Variants in TMEM8B observed in about 807,000 individuals in gnomAD.
TMEM8B encodes transmembrane protein 8B.
In TMEM8B, 29 loss-of-function variants were observed where a neutral mutation model predicts 49.3. The observed-to-expected ratio is 0.59, with a 90% CI of 0.44 to 0.80. The LOEUF is 0.80. TMEM8B is among the 30% of genes least tolerant of loss of function. The probability of loss-of-function intolerance (pLI) is 0.00; values close to 1 mark genes in which losing one functional copy is unlikely to be tolerated. For synonymous variants in TMEM8B, 264 were observed against 272.8 expected, an observed-to-expected ratio of 0.97 and a Z score of 0.32; for missense variants, 575 against 658.5, an observed-to-expected ratio of 0.87 and a Z score of 1.39.
Position 35,846,868 on chromosome 9 carries a change from T to G in TMEM8B, c.2048T>G (p.Phe683Cys). 6.2e-7 allele frequency: 1 copy of G among 1,614,236 alleles called. No homozygotes were observed. The highest frequency in any genetic ancestry group is 8.5e-7 in the Non-Finnish European group (1 of 1,180,032). Residue 683 changes from phenylalanine to cysteine, a missense_variant, in exon 10 of 13, where the codon TTC (phenylalanine) becomes TGC (cysteine). Coordinates refer to ENST00000643932, the MANE Select transcript of TMEM8B (RefSeq NM_001042590.4). ...TDSADALTYGFQLLSTLLLCL... is the reference protein window; with the variant it reads ...TDSADALTYGCQLLSTLLLCL... ...AGTGCAGATGCGCTCACCTATGGAT[T>G]CCAGCTGCTGTCCACACTCCTGCTC...
rs552954274 is a variant in TMEM8B, at chr9:35,859,991, C to T, written c.*6151C>T. Reference sequence around the variant, plus strand: ...GTTTGCCCACTTCATCTCATTCTCTCTCCTTTTCCATCTGGACCACCCAGC... The same window carrying T: ...GTTTGCCCACTTCATCTCATTCTCTTTCCTTTTCCATCTGGACCACCCAGC... On this transcript the variant is annotated 3_prime_UTR_variant, in exon 13 of 13. Transcript: ENST00000643932. 4 of 152,604 alleles carry T rather than the reference C, an allele frequency of 2.6e-5. No individual in the cohort carries two copies. Among genetic ancestry groups the T allele is most frequent in the African/African-American group, 7.2e-5 (3 of 41,586 alleles). The allele number at this position is 152,604 out of a possible 1,614,324, so 9.5% of individuals were successfully genotyped here. A position where few individuals can be genotyped will look rare whatever the true frequency, so the allele number is the denominator to read the frequency against.
chr9:35,855,425 C>T lies in TMEM8B; in HGVS notation c.*1585C>T, dbSNP rs1353518632. 1.3e-5 allele frequency: 2 copies of T among 151,622 alleles called. No individual in the cohort carries two copies. Among genetic ancestry groups the T allele is most frequent in the African/African-American group, 2.4e-5 (1 of 41,192 alleles). The allele number at this position is 151,622 out of a possible 1,614,324, so 9.4% of individuals were successfully genotyped here. On this transcript the variant is annotated 3_prime_UTR_variant, in exon 13 of 13. Transcript: ENST00000643932. ...TTTTTTTTTTTGAGACGGAGTTTTG[C>T]TCTTGTTGCCCAGGCTGGAATGCAA...
At position 35,829,568 on chromosome 9, in the gene TMEM8B, C is replaced by G. The variant is rs1401856554; in HGVS notation, c.121C>G (p.Pro41Ala). 7.5e-6 allele frequency: 3 copies of G among 399,418 alleles called. No homozygotes were observed. In the Admixed American group the frequency reaches 1.3e-4, roughly 18 times the overall value. The allele number at this position is 399,418 out of a possible 1,614,324, so 24.7% of individuals were successfully genotyped here. A position where few individuals can be genotyped will look rare whatever the true frequency, so the allele number is the denominator to read the frequency against. The change falls in exon 1 of 13, where the codon CCC becomes GCC. Residue 41 changes from proline (P) to alanine (A), a missense_variant. Physicochemically the swap from Pro to Ala is conservative, Grantham distance 27. Transcript: ENST00000643932. ...CCTGCCTGGGTCCCCATCCAGGACC[C>G]CCTTCCAGTCTCTGCCCCTGGCCTG... ...QPLPGSPSRT[P>A]FQSLPLAWPP...
At chr9:35,837,749 C>T (rs968931077) in intron 3 of TMEM8B, among the ~76,000 whole-genome samples, 1 of 152,170 alleles carries the variant, frequency 6.6e-6, no homozygotes, top group African/African-American at 2.4e-5. Flanking sequence ...CTTTTCACGT[C>T]CTTTCCTTGT....
chr9:35,864,716 T>G lies in TMEM8B; in HGVS notation c.*10876T>G, dbSNP rs1832706968. On this transcript the variant is annotated 3_prime_UTR_variant, in exon 13 of 13. Transcript: ENST00000643932. ...CCCAGCAAATATTTTGGCTTTTAAA[T>G]GTTTTAAATGATTTCTTGAGAATAA... is the stretch of plus-strand genomic sequence containing the variant. The G allele has an allele frequency of 1.3e-5, 2 of 152,262 alleles. No individual in the cohort carries two copies. The highest frequency in any genetic ancestry group is 4.1e-4 in the South Asian group (2 of 4,834). 9.4% of individuals were successfully genotyped at this position (152,262 alleles called of 1,614,324 possible). A position where few individuals can be genotyped will look rare whatever the true frequency, so the allele number is the denominator to read the frequency against.
chr9:35,851,184 CA>C (rs1325212584), intron 10 of TMEM8B, among the ~76,000 whole-genome samples: 2 of 152,140 alleles, frequency 1.3e-5, no homozygotes, highest in African/African-American at 2.4e-5. Flanking sequence ...GATCACAGCT[CA>C]GTGCAGTCTT....
Position 35,832,168 on chromosome 9 carries a change from G to GGGGTGT in TMEM8B, c.508+2214_508+2215insGGTGTG, listed in dbSNP as rs149702799. 4.3e-3 allele frequency among the ~76,000 whole-genome samples: 636 copies of GGGGTGT among 146,834 alleles called. 3 individuals carry two copies. The highest frequency in any genetic ancestry group is 0.015 in the African/African-American group (603 of 39,718). ...CTCAGCCTATGTGTGTAGGTGTAGGGGTGTGTGTGTGTGTGTGTGTGTGTG... is the reference window on the plus strand; with the variant it reads ...CTCAGCCTATGTGTGTAGGTGTAGGGGGGTGTGTGTGTGTGTGTGTGTGTGTGTGTG... On this transcript the variant is annotated intron_variant, in intron 1 of 12. Coordinates refer to ENST00000643932, the MANE Select transcript of TMEM8B (RefSeq NM_001042590.4).
chr9:35,841,746 CG>C lies in TMEM8B; in HGVS notation c.1265del (p.Gly422AlafsTer32). ...WVYVRVETSS[R>X]GPGRTIRFQL... ...CTACGTGCGTGTGGAAACATCATCC[CG>C]GGGCCCTGGTAGGACCATCCGCTTC... is the stretch of plus-strand genomic sequence containing the variant. On this transcript the variant is annotated frameshift_variant, in exon 5 of 13. Coordinates refer to ENST00000643932, the MANE Select transcript of TMEM8B (RefSeq NM_001042590.4). LOFTEE classifies it high-confidence loss of function. This position sits in a 1 kb window ranked among gnomAD's most constrained non-coding sequence, Gnocchi z 5.9. 2.4e-6 allele frequency: 1 copy of C among 415,952 alleles called. No homozygotes were observed. Among genetic ancestry groups the C allele is most frequent in the Non-Finnish European group, 4.4e-6 (1 of 226,498 alleles). The allele number at this position is 415,952 out of a possible 1,614,324, so 25.8% of individuals were successfully genotyped here.
At position 35,851,475 on chromosome 9, in the gene TMEM8B, A is replaced by G. The variant is rs894139665; in HGVS notation, c.2176-1352A>G. The stretch of plus-strand genomic sequence containing the variant: ...AAAATTCATTCTAATGTTGATATGG[A>G]CCTACATGAAAAGTCTGAAAATTTC... On this transcript the variant is annotated intron_variant, in intron 10 of 12. Transcript: ENST00000643932. Among the ~76,000 whole-genome samples the G allele has an allele frequency of 3.3e-5, 5 of 152,190 alleles. 1 individual carries two copies. The highest frequency in any genetic ancestry group is 2.0e-4 in the Admixed American group (3 of 15,282).
Position 35,860,893 on chromosome 9 carries a change from G to T in TMEM8B, c.*7053G>T, listed in dbSNP as rs1158732611. Reference sequence around the variant, plus strand: ...AAAGGGAGCGGTGGGCGAGGCTGTGGTCTCTCCCAGGTGACCTCCATCGCC... The same window carrying T: ...AAAGGGAGCGGTGGGCGAGGCTGTGTTCTCTCCCAGGTGACCTCCATCGCC... On this transcript the variant is annotated 3_prime_UTR_variant, in exon 13 of 13. Transcript: ENST00000643932. 6.6e-6 allele frequency: 1 copy of T among 152,202 alleles called. No homozygotes were observed. Among genetic ancestry groups the T allele is most frequent in the Non-Finnish European group, 1.5e-5 (1 of 68,040 alleles). 9.4% of individuals were successfully genotyped at this position (152,202 alleles called of 1,614,324 possible).
In TMEM8B at chr9:35,846,290, G is replaced by A; in HGVS notation, c.1762G>A (p.Ala588Thr). ...SLAGFLLSVS[A>T]TTRVARLRIP... ...GGCCGGCTTCCTCCTCTCTGTCAGT[G>A]CCACCACCAGGGTTGCCAGGCTGCG... Residue 588 changes from alanine to threonine, a missense_variant, in exon 8 of 13, where the codon GCC becomes ACC. Coordinates refer to ENST00000643932, the MANE Select transcript of TMEM8B (RefSeq NM_001042590.4). The A allele has an allele frequency of 6.2e-7, 1 of 1,614,196 alleles. No individual in the cohort carries two copies. Among genetic ancestry groups the A allele is most frequent in the Non-Finnish European group, 8.5e-7 (1 of 1,180,034 alleles).
In TMEM8B at chr9:35,853,694, C is replaced by T. The variant is rs746524188; in HGVS notation, c.2629C>T (p.Leu877=). 1.9e-6 allele frequency: 3 copies of T among 1,614,194 alleles called. No homozygotes were observed. The highest frequency in any genetic ancestry group is 2.5e-6 in the Non-Finnish European group (3 of 1,180,018). ...MLIAGSVGFL[L]PPRAKTDHGV... ...CATTGCGGGCAGTGTGGGCTTCCTGCTGCCCCCTCGTGCCAAGACTGACCA... is the reference window on the plus strand; with the variant it reads ...CATTGCGGGCAGTGTGGGCTTCCTGTTGCCCCCTCGTGCCAAGACTGACCA... Residue 877 remains leucine (L), a synonymous_variant, in exon 13 of 13, where the codon CTG becomes TTG. Coordinates refer to ENST00000643932, the MANE Select transcript of TMEM8B (RefSeq NM_001042590.4). The surrounding 1 kb of genome is among the most constrained non-coding windows in gnomAD (Gnocchi z 4.2).
chr9:35,853,268 G>A lies in TMEM8B; in HGVS notation c.2439+11G>A, dbSNP rs1207727401. 4 of 1,606,158 alleles carry A rather than the reference G, an allele frequency of 2.5e-6. No homozygotes were observed. The South Asian group carries it at 3.3e-5, about 13-fold the overall frequency. On this transcript the variant is annotated intron_variant, in intron 12 of 12. Coordinates refer to ENST00000643932, the MANE Select transcript of TMEM8B (RefSeq NM_001042590.4). This position sits in a 1 kb window ranked among gnomAD's most constrained non-coding sequence, Gnocchi z 4.2. ...TTGGCCACAGCCTGGGTAAGGGTGG[G>A]GAGGGATGTGGGGGGAGGGTCCCAG...
In TMEM8B at chr9:35,857,906, T is replaced by C. The variant is rs768103664; in HGVS notation, c.*4066T>C. The C allele has an allele frequency of 1.3e-5, 2 of 152,234 alleles. No individual in the cohort carries two copies. Among genetic ancestry groups the C allele is most frequent in the African/African-American group, 4.8e-5 (2 of 41,442 alleles). The allele number at this position is 152,234 out of a possible 1,614,324, so 9.4% of individuals were successfully genotyped here. A position where few individuals can be genotyped will look rare whatever the true frequency, so the allele number is the denominator to read the frequency against. ...AACTGGAACCTGTGCCTGGCTCTTA[T>C]GCCTTCAATCTCAGTGACTGGTGAC... is the stretch of plus-strand genomic sequence containing the variant. On this transcript the variant is annotated 3_prime_UTR_variant, in exon 13 of 13. Transcript: ENST00000643932.
intron 10 of TMEM8B, among the ~76,000 whole-genome samples, chr9:35,851,426 G>C (rs775278400): frequency 6.6e-6 from 1 of 152,192 alleles, no homozygotes; most frequent in Non-Finnish European, 1.5e-5. Flanking sequence ...ATTAACAGGC[G>C]TGAGCCACTG....
At chr9:35,844,066 C>T (rs145948678) in intron 6 of TMEM8B, among the ~76,000 whole-genome samples, 91 of 152,318 alleles carry the variant, frequency 6.0e-4, no homozygotes, top group Admixed American at 1.6e-3. Flanking sequence ...GCCTGGCCCA[C>T]AGCTGTTTTT....
intron 6 of TMEM8B, chr9:35,845,576 C>G (rs1831442228): frequency 2.0e-6 from 2 of 985,434 alleles, no homozygotes; most frequent in Non-Finnish European, 2.4e-6. Context: ...GTCTTGGGGT[C>G]CAGGTGAAGA....
At position 35,834,568 on chromosome 9, in the gene TMEM8B, T is replaced by C. The variant is rs981016873; in HGVS notation, c.616T>C (p.Phe206Leu). Reference sequence around the variant, plus strand: ...CCACTTCCATGTTCCTGAGGACACATTCCTGGCTGTTTGGAACCTCATCAT... The same window carrying C: ...CCACTTCCATGTTCCTGAGGACACACTCCTGGCTGTTTGGAACCTCATCAT... ...LFHFHVPEDTFLAVWNLIIFK... is the reference protein window; with the variant it reads ...LFHFHVPEDTLLAVWNLIIFK... The change falls in exon 2 of 13, where the codon TTC becomes CTC. Residue 206 changes from phenylalanine (F) to leucine (L), a missense_variant. Coordinates refer to ENST00000643932, the MANE Select transcript of TMEM8B (RefSeq NM_001042590.4). 1.4e-4 allele frequency: 59 copies of C among 416,280 alleles called. No individual in the cohort carries two copies. Among genetic ancestry groups the C allele is most frequent in the African/African-American group, 1.1e-3 (53 of 48,722 alleles). The allele number at this position is 416,280 out of a possible 1,614,324, so 25.8% of individuals were successfully genotyped here.
chr9:35,849,489 G>A (rs1831939878), intron 10 of TMEM8B, among the ~76,000 whole-genome samples: 1 of 152,202 alleles, frequency 6.6e-6, no homozygotes. Context: ...CAATAGTACT[G>A]TTATAGTTGA....
Sources: gnomAD v4.1 joint callset for allele counts (sites outside exome capture counted in the v4.1 genomes callset) on GRCh38, gnomAD v4.1.1 for gene constraint, Gnocchi (gnomAD v3.1) non-coding constraint, MANE v1.5 for transcripts, NCBI Gene and HGNC (gene_info 2026-07-23, HGNC 2026-07-21) for gene names.